Variants in TAF1A observed in about 807,000 individuals in gnomAD.
TAF1A encodes TATA box-binding protein-associated factor RNA polymerase I subunit A.
In TAF1A, 42 loss-of-function variants were observed where a neutral mutation model predicts 61.6. The observed-to-expected ratio is 0.68, with a 90% CI of 0.53 to 0.88. The LOEUF (loss-of-function observed/expected upper bound fraction) is 0.88. Ranked by LOEUF, TAF1A falls within the 40% of genes least tolerant of loss-of-function variation. The pLI is 0.00. For missense variants in TAF1A, 424 were observed against 518.7 expected (o/e 0.82, Z 1.77); for synonymous variants, 179 against 177.7 (o/e 1.01, Z -0.06).
At chr1:222,579,539 T>C (rs893986710) in intron 4 of TAF1A, among the ~76,000 whole-genome samples, 6 of 152,132 alleles carry the variant, frequency 3.9e-5, no homozygotes, top group Non-Finnish European at 7.4e-5. Context: ...AGAAGAAATA[T>C]ACAAAGAAAA....
downstream of TAF1A, among the ~76,000 whole-genome samples, chr1:222,557,285 T>G (rs1299949454): frequency 6.6e-6 from 1 of 152,250 alleles, no homozygotes; most frequent in Middle Eastern, 3.4e-3. Context: ...TCCAACATAT[T>G]ATAAAGCTCA....
chr1:222,570,910 T>C (rs896728475), intron 5 of TAF1A, among the ~76,000 whole-genome samples: 4 of 152,008 alleles, frequency 2.6e-5, no homozygotes, highest in Non-Finnish European at 5.9e-5. Flanking sequence ...GACAACACAA[T>C]AAAACTACAG....
chr1:222,554,575 C>T (rs1659706636), downstream of TAF1A, among the ~76,000 whole-genome samples: 1 of 141,254 alleles, frequency 7.1e-6, no homozygotes, highest in Non-Finnish European at 1.6e-5. Flanking sequence ...ATAACTGGGT[C>T]CAAAAGGGCA....
chr1:222,570,598 TG>T lies in TAF1A; in HGVS notation c.671del (p.Ala224GlufsTer6). 1.9e-6 allele frequency: 3 copies of T among 1,613,260 alleles called. No homozygotes were observed. The highest frequency in any genetic ancestry group is 2.5e-6 in the Non-Finnish European group (3 of 1,179,414). ...GAATTTTAATCAATGCAGAAATATT[TG>T]CAGATGTCTTCCAGCTGTGGTTGAA... is the stretch of plus-strand genomic sequence containing the variant. ...DVFNHSWKTS[A>X]NISALIKIPG... is the part of the protein sequence containing the mutation. On this transcript the variant is annotated frameshift_variant, in exon 6 of 11. Coordinates refer to ENST00000352967, the MANE Select transcript of TAF1A (RefSeq NM_005681.4). LOFTEE classifies it high-confidence loss of function.
At chr1:222,567,578 G>A (rs1660167223) in intron 7 of TAF1A, among the ~76,000 whole-genome samples, 1 of 152,108 alleles carries the variant, frequency 6.6e-6, no homozygotes. Context: ...ACAGTTCAGA[G>A]AGAAATTAAA....
chr1:222,576,020 T>C (rs531042572), intron 5 of TAF1A, among the ~76,000 whole-genome samples: 31 of 152,026 alleles, frequency 2.0e-4, no homozygotes, highest in Admixed American at 1.5e-3. Context: ...ACAAAAGAAA[T>C]AGAGGAATAT....
chr1:222,577,137 C>CCATA (rs1660603668), intron 5 of TAF1A, among the ~76,000 whole-genome samples: 1 of 151,178 alleles, frequency 6.6e-6, no homozygotes, highest in Non-Finnish European at 1.5e-5. Flanking sequence ...AGCTCTTCCT[C>CCATA]CTGTCAGTAG....
intron 7 of TAF1A, among the ~76,000 whole-genome samples, chr1:222,567,549 A>T (rs772801448): frequency 6.6e-6 from 1 of 152,216 alleles, no homozygotes; most frequent in African/African-American, 2.4e-5. Context: ...AACAAAATAC[A>T]TACACTAAAA....
intron 3 of TAF1A, among the ~76,000 whole-genome samples, chr1:222,580,772 GAA>G (rs1342818280): frequency 1.3e-5 from 1 of 75,014 alleles, no homozygotes; most frequent in African/African-American, 3.7e-5. Context: ...AGAAAAGCAG[GAA>G]AAAAAAAAAA....
At chr1:222,582,561 T>C (rs929000333) in intron 3 of TAF1A, among the ~76,000 whole-genome samples, 4 of 152,226 alleles carry the variant, frequency 2.6e-5, no homozygotes, top group African/African-American at 9.7e-5. Context: ...CTAAACATAG[T>C]GTTACCATAT....
chr1:222,564,425 C>T (rs1264733708), intron 7 of TAF1A, among the ~76,000 whole-genome samples: 3 of 150,720 alleles, frequency 2.0e-5, no homozygotes, highest in East Asian at 3.9e-4. Context: ...CTGTTTACCA[C>T]GCTCAACAAC....
At chr1:222,571,764 G>C (rs1256111050) in intron 5 of TAF1A, among the ~76,000 whole-genome samples, 1 of 152,146 alleles carries the variant, frequency 6.6e-6, no homozygotes, top group Non-Finnish European at 1.5e-5. Flanking sequence ...TCAGTTGAAA[G>C]ACTTACTATT....
At chr1:222,585,848 C>T (rs1195364563) in intron 2 of TAF1A, among the ~76,000 whole-genome samples, 1 of 151,776 alleles carries the variant, frequency 6.6e-6, no homozygotes, top group Non-Finnish European at 1.5e-5. Flanking sequence ...GTATTAAAAC[C>T]CTATGCCATT....
chr1:222,583,993 A>G (rs1571829589), intron 3 of TAF1A, 135 bp downstream of exon 3: 1 of 909,658 alleles, frequency 1.1e-6, no homozygotes. Flanking sequence ...CCCAATACAA[A>G]CTCTCCACTC....
rs753988752 is a variant in TAF1A at position 222,561,534 on chromosome 1, G to A, written c.1086-16C>T. The A allele has an allele frequency of 1.9e-6, 3 of 1,583,414 alleles. No homozygotes were observed. The Admixed American group carries it at 5.6e-5, about 30-fold the overall frequency. On this transcript the variant is annotated splice_polypyrimidine_tract_variant and intron_variant, in intron 9 of 10. Transcript: ENST00000352967. ...AAGGTGGTTTCTGGAAAAGAAAAAT[G>A]TCAAAAGAGAGGGTCAATGATGGAA...
Position 222,564,126 on chromosome 1 carries a change from C to A in TAF1A, c.895-1G>T. The A allele has an allele frequency of 1.3e-6, 2 of 1,548,222 alleles. No homozygotes were observed. Among genetic ancestry groups the A allele is most frequent in the Non-Finnish European group, 1.8e-6 (2 of 1,128,808 alleles). ...GAGATGGTACAATCTGATACAAAAT[C>A]TGAAAGAAAGAACAGTCTTGTAATC... is the stretch of plus-strand genomic sequence containing the variant. On this transcript the variant is annotated splice_acceptor_variant, in intron 7 of 10. Coordinates refer to ENST00000352967, the MANE Select transcript of TAF1A (RefSeq NM_005681.4). LOFTEE classifies it high-confidence loss of function.
At chr1:222,566,455 A>C (rs553540234) in intron 7 of TAF1A, among the ~76,000 whole-genome samples, 2 of 152,334 alleles carry the variant, frequency 1.3e-5, no homozygotes, top group East Asian at 3.9e-4. Flanking sequence ...ATATATAATG[A>C]AATAATTATA....
chr1:222,584,872 A>G (rs966618817), intron 2 of TAF1A, among the ~76,000 whole-genome samples: 1 of 152,246 alleles, frequency 6.6e-6, no homozygotes, highest in African/African-American at 2.4e-5. Flanking sequence ...ATGACTAGTT[A>G]CATTGCTACA....
chr1:222,586,993 T>C (rs1486950048), intron 2 of TAF1A, among the ~76,000 whole-genome samples: 1 of 152,250 alleles, frequency 6.6e-6, no homozygotes, highest in African/African-American at 2.4e-5. Flanking sequence ...TAAACCTATC[T>C]GCTTGCAGAC....
Sources: gnomAD v4.1 joint callset for allele counts (sites outside exome capture counted in the v4.1 genomes callset) on GRCh38, gnomAD v4.1.1 for gene constraint, MANE v1.5 for transcripts, NCBI Gene and HGNC (gene_info 2026-07-23, HGNC 2026-07-21) for gene names.